CACNA2D4: variants seen among roughly 807,000 people sequenced by gnomAD.
CACNA2D4 encodes the protein calcium voltage-gated channel auxiliary subunit alpha2delta 4.
Under a neutral mutation model 163.8 loss-of-function variants are expected in CACNA2D4, and 157 were observed. The ratio of observed to expected loss-of-function variants is 0.96; its 90% CI spans 0.84 to 1.09. The LOEUF (loss-of-function observed/expected upper bound fraction) is 1.09. Ranked by LOEUF, CACNA2D4 falls within the 50% of genes least tolerant of loss-of-function variation. The pLI, the probability that CACNA2D4 is intolerant of heterozygous loss-of-function variation, is 0.00. For missense variants in CACNA2D4, 1,410 were observed against 1,479.9 expected, an observed-to-expected ratio of 0.95 and a Z score of 0.78; for synonymous variants, 598 against 586.9, an observed-to-expected ratio of 1.02 and a Z score of -0.27.
At chr12:1,872,281 C>T (rs149948268) in intron 18 of CACNA2D4, among the ~76,000 whole-genome samples, 134 of 152,262 alleles carry the variant, frequency 8.8e-4, no homozygotes, top group African/African-American at 3.0e-3. Flanking sequence ...TTCTCTTACT[C>T]GTGTTTATTA....
At chr12:1,835,073 GT>G (rs1196911111) in intron 26 of CACNA2D4, 19 of 244,040 alleles carry the variant, frequency 7.8e-5, no homozygotes, top group Non-Finnish European at 1.2e-4. Context: ...GCCATAGCTG[GT>G]GACTCTTCCT....
At chr12:1,891,599 T>C (rs1210018746) in intron 6 of CACNA2D4, among the ~76,000 whole-genome samples, 1 of 151,916 alleles carries the variant, frequency 6.6e-6, no homozygotes, top group Non-Finnish European at 1.5e-5. Flanking sequence ...AAATAATTTA[T>C]ATAATACCGG....
intron 28 of CACNA2D4, 56 bp downstream of exon 28, chr12:1,810,487 A>T: frequency 6.5e-7 from 1 of 1,536,390 alleles, no homozygotes; most frequent in South Asian, 1.2e-5. Flanking sequence ...TGCCAGGAGG[A>T]CCGGGCGGAG....
At chr12:1,850,717 A>T (rs566285858) in intron 23 of CACNA2D4, among the ~76,000 whole-genome samples, 1 of 152,218 alleles carries the variant, frequency 6.6e-6, no homozygotes, top group Admixed American at 6.5e-5. Context: ...ATCCTGGCTA[A>T]CATGGTGAAA....
intron 31 of CACNA2D4, 106 bp from the exon 32 acceptor site, chr12:1,800,544 T>C: frequency 9.0e-7 from 1 of 1,116,260 alleles, no homozygotes; most frequent in East Asian, 2.5e-5. Flanking sequence ...TGGGCTGCCC[T>C]GCCACTGGGA....
rs1303356530 is a variant in CACNA2D4, at chr12:1,806,631, C to A, written c.2721+3647G>T. On this transcript the variant is annotated intron_variant, in intron 29 of 37. Transcript: ENST00000382722. The surrounding 1 kb of genome is among the most constrained non-coding windows in gnomAD (Gnocchi z 4.1). ...TGCCTAGTCAGGAAAGTGACAGCAGCCAGCTAAAGTGCATTGAGATCCACA... is the reference window on the plus strand; with the variant it reads ...TGCCTAGTCAGGAAAGTGACAGCAGACAGCTAAAGTGCATTGAGATCCACA... 6.6e-6 allele frequency among the ~76,000 whole-genome samples: 1 copy of A among 152,192 alleles called. No individual in the cohort carries two copies. The highest frequency in any genetic ancestry group is 1.5e-5 in the Non-Finnish European group (1 of 68,022).
At chr12:1,910,783 T>C (rs1280230460) in intron 3 of CACNA2D4, among the ~76,000 whole-genome samples, 4 of 152,158 alleles carry the variant, frequency 2.6e-5, no homozygotes, top group Non-Finnish European at 5.9e-5. Context: ...TCCATTTATG[T>C]GAAATACCCA....
chr12:1,799,712 C>T lies in CACNA2D4; in HGVS notation c.2975-17G>A, dbSNP rs776838903. Reference sequence around the variant, plus strand: ...CACTTTTGGCTGGCCGGAACATAAGCCCAGCACAGGGTGGACACGGCACAG... The same window carrying T: ...CACTTTTGGCTGGCCGGAACATAAGTCCAGCACAGGGTGGACACGGCACAG... On this transcript the variant is annotated splice_polypyrimidine_tract_variant and intron_variant, in intron 33 of 37. Transcript: ENST00000382722. This position sits in a 1 kb window ranked among gnomAD's most constrained non-coding sequence, Gnocchi z 4.7. 2 of 1,568,500 alleles carry T rather than the reference C, an allele frequency of 1.3e-6. No homozygotes were observed. Among genetic ancestry groups the T allele is most frequent in the Admixed American group, 1.9e-5 (1 of 53,116 alleles).
At chr12:1,818,249 C>T in intron 26 of CACNA2D4, among the ~76,000 whole-genome samples, 1 of 151,892 alleles carries the variant, frequency 6.6e-6, no homozygotes, top group Non-Finnish European at 1.5e-5. Context: ...TCTGCCCGGC[C>T]ACCACCCAGT....
chr12:1,866,625 T>G (rs9668491), intron 18 of CACNA2D4, among the ~76,000 whole-genome samples: 92,952 of 151,642 alleles, frequency 0.61, 31,065 homozygotes, highest in Non-Finnish European at 0.74. Flanking sequence ...TGTCTTTTTT[T>G]GTTGTTTGTT....
At chr12:1,910,018 G>A in intron 3 of CACNA2D4, 53 bp from the exon 4 acceptor site, 1 of 1,494,100 alleles carries the variant, frequency 6.7e-7, no homozygotes, top group Non-Finnish European at 9.3e-7. Context: ...AGCCCAGTGG[G>A]TTTTCAGCAA....
chr12:1,825,956 G>T (rs1176061392), intron 26 of CACNA2D4, among the ~76,000 whole-genome samples: 1 of 152,214 alleles, frequency 6.6e-6, no homozygotes, highest in African/African-American at 2.4e-5. Context: ...TGTGCTGAAG[G>T]TCAGGGCTCG....
chr12:1,810,330 C>G lies in CACNA2D4; in HGVS notation c.2669G>C (p.Cys890Ser). ...TQSCEDSDLD[C>S]FVIDNNGFIL... ...GAACCCGTTGTTGTCGATGACGAAG[C>G]AGTCCAGATCCTGGGAGGAAACCCA... is the stretch of plus-strand genomic sequence containing the variant. The change falls in exon 29 of 38, where the codon TGC (cysteine) becomes TCC (serine). Residue 890 changes from cysteine to serine, a missense_variant. By Grantham distance (112) the Cys-to-Ser change is moderately radical. Coordinates refer to ENST00000382722, the MANE Select transcript of CACNA2D4 (RefSeq NM_172364.5). The G allele has an allele frequency of 6.2e-7, 1 of 1,613,882 alleles. No homozygotes were observed. Among genetic ancestry groups the G allele is most frequent in the Non-Finnish European group, 8.5e-7 (1 of 1,179,804 alleles).
intron 25 of CACNA2D4, among the ~76,000 whole-genome samples, chr12:1,842,751 G>A (rs925465527): frequency 1.3e-5 from 2 of 152,180 alleles, no homozygotes; most frequent in Admixed American, 6.5e-5. Context: ...CCTCTCCAGG[G>A]GCCTGTGGGT....
rs1490334861 is a variant in CACNA2D4 at position 1,793,670 on chromosome 12, G to A, written c.3399C>T (p.Pro1133=). ...CTGGGTGGTGTCACCGCAGGAGTTG[G>A]GGCAGTAGCCCCCAGGCACACACAG... The part of the protein sequence containing the change: ...LLPVCAWGLL[P]QLLR The change falls in exon 38 of 38, where the codon CCC becomes CCT. Residue 1133 remains proline, a synonymous_variant. Coordinates refer to ENST00000382722, the MANE Select transcript of CACNA2D4 (RefSeq NM_172364.5). 1.9e-6 allele frequency: 3 copies of A among 1,613,702 alleles called. No individual in the cohort carries two copies. Among genetic ancestry groups the A allele is most frequent in the Non-Finnish European group, 2.5e-6 (3 of 1,179,852 alleles).
intron 29 of CACNA2D4, among the ~76,000 whole-genome samples, chr12:1,807,201 T>C (rs897123666): frequency 2.6e-5 from 4 of 152,004 alleles, no homozygotes; most frequent in African/African-American, 9.7e-5. Flanking sequence ...TGAGCTGCAC[T>C]GTGAACTTTG....
At chr12:1,866,449 A>G (rs915055424) in intron 18 of CACNA2D4, among the ~76,000 whole-genome samples, 3 of 152,228 alleles carry the variant, frequency 2.0e-5, no homozygotes, top group Non-Finnish European at 2.9e-5. Context: ...GAATAAATAA[A>G]ATATAGTCTT....
rs2154447968 is a variant in CACNA2D4, at chr12:1,847,000, T to C, written c.2247-311A>G. Among the ~76,000 whole-genome samples the C allele has an allele frequency of 1.3e-5, 2 of 152,310 alleles. 1 individual carries two copies. The highest frequency in any genetic ancestry group is 4.1e-4 in the South Asian group (2 of 4,824). Reference sequence around the variant, plus strand: ...CTTTTGGGGAGTTCGATCTAGAAGATGGAACTTGGAAGGGAGATTCTGTCC... The same window carrying C: ...CTTTTGGGGAGTTCGATCTAGAAGACGGAACTTGGAAGGGAGATTCTGTCC... On this transcript the variant is annotated intron_variant, in intron 23 of 37. Coordinates refer to ENST00000382722, the MANE Select transcript of CACNA2D4 (RefSeq NM_172364.5).
In CACNA2D4 at chr12:1,810,543, A is replaced by G. The variant is rs1863672244; in HGVS notation, c.2658T>C (p.Ser886=). Residue 886 remains serine, a splice_region_variant and synonymous_variant, in exon 28 of 38, where the codon AGT becomes AGC. Coordinates refer to ENST00000382722, the MANE Select transcript of CACNA2D4 (RefSeq NM_172364.5). The part of the protein sequence containing the change: ...DGPCTQSCED[S]DLDCFVIDNN... ...CCTTCCTCACACGGGCAGAACTTAC[A>G]CTGTCCTCGCAGCTCTGTGTGCACG... The G allele has an allele frequency of 6.4e-7, 1 of 1,553,310 alleles. No homozygotes were observed. The highest frequency in any genetic ancestry group is 8.7e-7 in the Non-Finnish European group (1 of 1,147,934).
Sources: allele counts gnomAD v4.1 joint callset (sites outside exome capture counted in the v4.1 genomes callset), GRCh38; gene constraint gnomAD v4.1.1; non-coding constraint Gnocchi (gnomAD v3.1); transcripts MANE v1.5; gene names NCBI Gene and HGNC (gene_info 2026-07-23, HGNC 2026-07-21).